LCORL: variants seen among roughly 807,000 people sequenced by gnomAD.
LCORL encodes the protein ligand dependent nuclear receptor corepressor like.
A neutral mutation model predicts 141.8 loss-of-function variants in LCORL; 41 were observed. That is an observed-to-expected ratio of 0.29 (90% CI 0.23 to 0.38). LCORL has a LOEUF of 0.38. Ranked by LOEUF, LCORL falls within the 10% of genes least tolerant of loss-of-function variation. The pLI is 1.00. For synonymous variants in LCORL, 618 were observed against 694.1 expected (o/e 0.89, Z 1.72); for missense variants, 1,759 against 2,035.0 (o/e 0.86, Z 2.61).
rs529638924 is a variant in LCORL, at chr4:17,924,620, T to C, written c.431-15275A>G. Among the ~76,000 whole-genome samples, 14 of 152,326 alleles carry C rather than the reference T, an allele frequency of 9.2e-5. No individual in the cohort carries two copies. In the East Asian group the frequency reaches 2.7e-3, roughly 29 times the overall value. On this transcript the variant is annotated intron_variant, in intron 4 of 7. Transcript: ENST00000635767. ...CTGCCTATCCTGCACGCAATGCTTC[T>C]GCCAAGACTACATTCATGGACTCAT...
At chr4:17,908,943 T>C (rs1732081567) in intron 5 of LCORL, 151 bp downstream of exon 5, 2 of 635,548 alleles carry the variant, frequency 3.1e-6, no homozygotes, top group Non-Finnish European at 2.4e-6. Flanking sequence ...AAGCTGTAAA[T>C]AGGTACTTCT....
At chr4:17,994,328 G>C (rs144896972) in intron 1 of LCORL, among the ~76,000 whole-genome samples, 323 of 152,104 alleles carry the variant, frequency 2.1e-3, no homozygotes, top group African/African-American at 7.3e-3. Flanking sequence ...TCCGTCTCAT[G>C]TCATGCTACT....
Position 18,021,744 on chromosome 4 carries a change from T to C in LCORL, c.8A>G (p.Lys3Arg). Reference sequence around the variant, plus strand: ...GGCAGCGGCCATTCTCTCTCTTCCCTTGTCCATCTGCGTCCCGCGTCACGC... The same window carrying C: ...GGCAGCGGCCATTCTCTCTCTTCCCCTGTCCATCTGCGTCCCGCGTCACGC... The change falls in exon 1 of 8, where the codon AAG (lysine) becomes AGG (arginine). Residue 3 changes from lysine to arginine, a missense_variant. Physicochemically the swap from Lys to Arg is conservative, Grantham distance 26. Coordinates refer to ENST00000635767, the Ensembl canonical transcript of LCORL. This position sits in a 1 kb window ranked among gnomAD's most constrained non-coding sequence, Gnocchi z 5.5. 4 of 1,512,104 alleles carry C rather than the reference T, an allele frequency of 2.6e-6. No homozygotes were observed. Among genetic ancestry groups the C allele is most frequent in the Non-Finnish European group, 3.5e-6 (4 of 1,132,598 alleles). 93.7% of individuals were successfully genotyped at this position (1,512,104 alleles called of 1,614,324 possible). A position where few individuals can be genotyped will look rare whatever the true frequency, so the allele number is the denominator to read the frequency against.
chr4:17,919,663 T>C (rs1733988277), intron 4 of LCORL, among the ~76,000 whole-genome samples: 1 of 152,226 alleles, frequency 6.6e-6, no homozygotes, highest in South Asian at 2.1e-4. Context: ...TTGGTTCTCA[T>C]CCATGTTTCT....
chr4:17,851,675 A>G (rs1041103629), intron 7 of LCORL, among the ~76,000 whole-genome samples: 1 of 152,198 alleles, frequency 6.6e-6, no homozygotes, highest in Non-Finnish European at 1.5e-5. Context: ...CATGTGTTCA[A>G]GTATATCTAT....
At chr4:17,979,141 T>G (rs900738543) in intron 1 of LCORL, among the ~76,000 whole-genome samples, 1 of 152,062 alleles carries the variant, frequency 6.6e-6, no homozygotes. Flanking sequence ...AGTGAGAACA[T>G]GCGGTGTTTG....
At chr4:17,996,676 T>C (rs1720967589) in intron 1 of LCORL, among the ~76,000 whole-genome samples, 1 of 151,974 alleles carries the variant, frequency 6.6e-6, no homozygotes, top group Admixed American at 6.6e-5. Flanking sequence ...AGGCCTGACA[T>C]ATTTCATAAA....
intron 4 of LCORL, among the ~76,000 whole-genome samples, chr4:17,939,261 C>T (rs548335295): frequency 3.3e-5 from 5 of 152,186 alleles, no homozygotes; most frequent in South Asian, 2.1e-4. Context: ...CAGCTAGTAA[C>T]GGAATGATAA....
intron 1 of LCORL, among the ~76,000 whole-genome samples, chr4:18,013,733 A>C (rs1724174125): frequency 1.3e-5 from 2 of 152,152 alleles, no homozygotes; most frequent in African/African-American, 4.8e-5. Flanking sequence ...GTCAGAAAAG[A>C]ATTGGCCAAT....
chr4:17,850,892 T>G (rs1291384392), intron 7 of LCORL, among the ~76,000 whole-genome samples: 1 of 151,410 alleles, frequency 6.6e-6, no homozygotes, highest in African/African-American at 2.4e-5. Context: ...TGTCCAGCAA[T>G]GATAGACTGG....
At chr4:17,987,830 G>C (rs1024888323) in intron 1 of LCORL, among the ~76,000 whole-genome samples, 2 of 152,172 alleles carry the variant, frequency 1.3e-5, no homozygotes, top group Non-Finnish European at 2.9e-5. Context: ...TTTCAATTGA[G>C]TTATTTGTCT....
At chr4:17,889,171 G>A (rs1212949947) in intron 5 of LCORL, among the ~76,000 whole-genome samples, 1 of 151,966 alleles carries the variant, frequency 6.6e-6, no homozygotes, top group Non-Finnish European at 1.5e-5. Flanking sequence ...ACCAACTATA[G>A]CGCATTTTAA....
intron 4 of LCORL, among the ~76,000 whole-genome samples, chr4:17,915,492 G>A (rs1465891423): frequency 6.6e-6 from 1 of 152,190 alleles, no homozygotes; most frequent in East Asian, 1.9e-4. Flanking sequence ...TTAGTGGGAT[G>A]CTGCTGTAAT....
At chr4:18,002,787 A>G (rs1242746012) in intron 1 of LCORL, among the ~76,000 whole-genome samples, 1 of 152,182 alleles carries the variant, frequency 6.6e-6, no homozygotes, top group African/African-American at 2.4e-5. Flanking sequence ...AACTCAGCCC[A>G]AGTCTTCATA....
At chr4:17,905,297 T>C (rs939250153) in intron 5 of LCORL, among the ~76,000 whole-genome samples, 4 of 152,112 alleles carry the variant, frequency 2.6e-5, no homozygotes, top group Admixed American at 2.6e-4. Context: ...ATATCAGCTT[T>C]TGTAGAATAA....
At chr4:17,892,090 TTAAC>T (rs1323237668) in intron 5 of LCORL, among the ~76,000 whole-genome samples, 4 of 152,228 alleles carry the variant, frequency 2.6e-5, no homozygotes, top group African/African-American at 9.6e-5. Context: ...TTGTTACTGT[TTAAC>T]TATGGCGTTT....
At chr4:17,867,686 C>A (rs948370263) in intron 7 of LCORL, among the ~76,000 whole-genome samples, 2 of 152,082 alleles carry the variant, frequency 1.3e-5, no homozygotes, top group African/African-American at 2.4e-5. Flanking sequence ...ACACCTGATA[C>A]ATCAAAAGAA....
At chr4:17,879,437 TAAAG>T (rs765416645) in intron 6 of LCORL, among the ~76,000 whole-genome samples, 30 of 151,142 alleles carry the variant, frequency 2.0e-4, no homozygotes, top group Admixed American at 6.0e-4. Context: ...TGATCTGACA[TAAAG>T]AAGCTATCAA....
chr4:17,977,148 G>A (rs1444826253), intron 1 of LCORL, among the ~76,000 whole-genome samples: 2 of 151,986 alleles, frequency 1.3e-5, no homozygotes, highest in Admixed American at 6.6e-5. Flanking sequence ...ATTGTTGCTG[G>A]TTATCACCAG....
Sources: allele counts gnomAD v4.1 joint callset (sites outside exome capture counted in the v4.1 genomes callset), GRCh38; gene constraint gnomAD v4.1.1; non-coding constraint Gnocchi (gnomAD v3.1); transcripts MANE v1.5; gene names NCBI Gene and HGNC (gene_info 2026-07-23, HGNC 2026-07-21).